Variants in SDF4 observed in about 807,000 individuals in gnomAD.
The protein encoded by SDF4 is stromal cell derived factor 4.
A neutral mutation model predicts 34.2 loss-of-function variants in SDF4; 22 were observed. That is an observed-to-expected ratio of 0.64 (90% CI 0.46 to 0.92). The LOEUF (loss-of-function observed/expected upper bound fraction) is 0.92. Ranked by LOEUF, SDF4 falls within the 40% of genes least tolerant of loss-of-function variation. The pLI, the probability that SDF4 is intolerant of heterozygous loss-of-function variation, is 0.00. For synonymous variants in SDF4, 236 were observed against 203.1 expected, an observed-to-expected ratio of 1.16 and a Z score of -1.38; for missense variants, 447 against 499.9, an observed-to-expected ratio of 0.89 and a Z score of 1.01.
At chr1:1,229,388 C>T (rs963069108) in intron 1 of SDF4, among the ~76,000 whole-genome samples, 8 of 152,174 alleles carry the variant, frequency 5.3e-5, no homozygotes, top group African/African-American at 1.9e-4. Context: ...TTTTATTTTA[C>T]TCTTTGTAGA....
chr1:1,229,637 G>A (rs1638431447), intron 1 of SDF4, among the ~76,000 whole-genome samples: 1 of 152,188 alleles, frequency 6.6e-6, no homozygotes, highest in African/African-American at 2.4e-5. Flanking sequence ...GCTTTCCTGT[G>A]GGGCCCGGCT....
Position 1,217,560 on chromosome 1 carries a change from C to G in SDF4, c.1020G>C (p.Thr340=). 1 of 1,613,224 alleles carries G rather than the reference C, an allele frequency of 6.2e-7. No individual in the cohort carries two copies. The highest frequency in any genetic ancestry group is 1.1e-5 in the South Asian group (1 of 91,060). Residue 340 remains threonine (T), a synonymous_variant, in exon 7 of 7, where the codon ACG becomes ACC. Transcript: ENST00000360001. The surrounding 1 kb of genome is among the most constrained non-coding windows in gnomAD (Gnocchi z 8.5). ...GCGCGTAGTCCACCAGCTTGCTGCC[C>G]GTGAAGAACTCGCTGTACTTGAGCA... ...EEVLKYSEFF[T]GSKLVDYARS... is the part of the protein sequence containing the mutation.
intron 4 of SDF4, 125 bp downstream of exon 4, chr1:1,223,119 G>A (rs569436578): frequency 3.1e-5 from 22 of 702,978 alleles, no homozygotes; most frequent in African/African-American, 5.2e-5. Context: ...ACGCACACAC[G>A]TACTCACGAG....
In SDF4 at chr1:1,228,746, A is replaced by G. The variant is rs1378500534; in HGVS notation, c.27T>C (p.Ile9=). The change falls in exon 2 of 7, where the codon ATT becomes ATC. Residue 9 remains isoleucine (I), a synonymous_variant. Coordinates refer to ENST00000360001, the MANE Select transcript of SDF4 (RefSeq NM_016176.6). MASRWGPL[I]GLAPCCLWLL... Reference sequence around the variant, plus strand: ...GCCAGAGGCAGCACGGAGCCAGGCCAATGAGGGGACCCCACCTGGACGCCA... The same window carrying G: ...GCCAGAGGCAGCACGGAGCCAGGCCGATGAGGGGACCCCACCTGGACGCCA... The G allele has an allele frequency of 5.6e-6, 9 of 1,611,772 alleles. No individual in the cohort carries two copies. The highest frequency in any genetic ancestry group is 7.6e-6 in the Non-Finnish European group (9 of 1,179,830).
chr1:1,217,497 GGCGCGGCC>G lies in SDF4; in HGVS notation c.*7_*14del. ...CGGTGGTGCGTGGGGGGCGGCGCGG[GGCGCGGCC>G]GGGCGCTCAAAACTCCTCGTGCACG... On this transcript the variant is annotated 3_prime_UTR_variant, in exon 7 of 7. Coordinates refer to ENST00000360001, the MANE Select transcript of SDF4 (RefSeq NM_016176.6). This position sits in a 1 kb window ranked among gnomAD's most constrained non-coding sequence, Gnocchi z 8.5. 6 of 1,543,264 alleles carry G rather than the reference GGCGCGGCC, an allele frequency of 3.9e-6. No individual in the cohort carries two copies. The highest frequency in any genetic ancestry group is 5.2e-6 in the Non-Finnish European group (6 of 1,144,416).
At chr1:1,229,804 G>T (rs147827899) in intron 1 of SDF4, among the ~76,000 whole-genome samples, 1 of 151,716 alleles carries the variant, frequency 6.6e-6, no homozygotes. Context: ...CTCTCCCCCC[G>T]ACTGACCAGG....
At chr1:1,225,476 T>C (rs3753342) in intron 2 of SDF4, among the ~76,000 whole-genome samples, 20,325 of 152,174 alleles carry the variant, frequency 0.13, 1,691 homozygotes, top group African/African-American at 0.23. Flanking sequence ...GAGATCCTCA[T>C]GGAAGAAGGC....
At chr1:1,226,242 T>A (rs1474866087) in intron 2 of SDF4, among the ~76,000 whole-genome samples, 2 of 151,988 alleles carry the variant, frequency 1.3e-5, no homozygotes, top group Non-Finnish European at 2.9e-5. Flanking sequence ...GCCTGGAGCA[T>A]CTCGTGGTGC....
At chr1:1,223,415 A>T (rs1198333922) in intron 3 of SDF4, 58 bp from the exon 4 acceptor site, 2 of 1,232,706 alleles carry the variant, frequency 1.6e-6, no homozygotes, top group Non-Finnish European at 2.3e-6. Context: ...CTTCCTTCTC[A>T]ACTGAGATGG....
rs187257738 is a variant in SDF4 at position 1,229,833 on chromosome 1, C to A, written c.-174-887G>T. ...GACCAGGCTTTGCGAAGACAGCCAA[C>A]CCTAAGTGCAGAGGGCGTCAGGGCC... On this transcript the variant is annotated intron_variant, in intron 1 of 6. Transcript: ENST00000360001. 3.5e-3 allele frequency among the ~76,000 whole-genome samples: 539 copies of A among 152,316 alleles called. 5 individuals are homozygous for A. Among genetic ancestry groups the A allele is most frequent in the African/African-American group, 0.012 (510 of 41,550 alleles).
chr1:1,217,536 C>T lies in SDF4; in HGVS notation c.1044G>A (p.Ala348=), dbSNP rs373187590. 16 of 1,611,704 alleles carry T rather than the reference C, an allele frequency of 9.9e-6. No individual in the cohort carries two copies. Among genetic ancestry groups the T allele is most frequent in the Middle Eastern group, 1.7e-4 (1 of 6,012 alleles). The change falls in exon 7 of 7, where the codon GCG becomes GCA. Residue 348 remains alanine (A), a synonymous_variant. Transcript: ENST00000360001. This position sits in a 1 kb window ranked among gnomAD's most constrained non-coding sequence, Gnocchi z 8.5. ...CTCAAAACTCCTCGTGCACGCTGCG[C>T]GCGTAGTCCACCAGCTTGCTGCCCG... is the stretch of plus-strand genomic sequence containing the variant. ...FFTGSKLVDY[A]RSVHEEF is the part of the protein sequence containing the mutation.
At chr1:1,229,114 T>C (rs981452746) in intron 1 of SDF4, among the ~76,000 whole-genome samples, 168 bp from the exon 2 acceptor site, 1 of 151,766 alleles carries the variant, frequency 6.6e-6, no homozygotes, top group Non-Finnish European at 1.5e-5. Context: ...CGTGGCATTG[T>C]TTTCTCCGGG....
intron 4 of SDF4, chr1:1,219,481 G>A (rs1649779106): frequency 2.0e-6 from 2 of 998,366 alleles, no homozygotes; most frequent in Admixed American, 1.1e-4. Context: ...GGCGCCGCGG[G>A]GCGAAGGACT....
At chr1:1,231,631 G>A (rs982603888) in intron 1 of SDF4, among the ~76,000 whole-genome samples, 1 of 152,264 alleles carries the variant, frequency 6.6e-6, no homozygotes, top group African/African-American at 2.4e-5. Context: ...CCGTTTCCCG[G>A]TGGCATTCGT....
At chr1:1,220,503 C>T (rs1312985365) in intron 4 of SDF4, 2 of 1,200,778 alleles carry the variant, frequency 1.7e-6, no homozygotes, top group Non-Finnish European at 2.1e-6. Flanking sequence ...GGCAGCTGCT[C>T]TTCCTGAGCC....
intron 4 of SDF4, 147 bp downstream of exon 4, chr1:1,223,097 C>T (rs1650067059): frequency 1.5e-6 from 1 of 651,744 alleles, no homozygotes; most frequent in African/African-American, 1.8e-5. Flanking sequence ...ACAGCACACT[C>T]GTACACACGG....
intron 2 of SDF4, among the ~76,000 whole-genome samples, chr1:1,226,798 A>G (rs1433327455): frequency 6.6e-6 from 1 of 152,138 alleles, no homozygotes; most frequent in African/African-American, 2.4e-5. Context: ...AGACGCACCG[A>G]GCAGAAGCCT....
intron 4 of SDF4, among the ~76,000 whole-genome samples, chr1:1,222,454 C>T (rs79561057): frequency 0.11 from 17,423 of 151,922 alleles, 1,143 homozygotes; most frequent in East Asian, 0.17. Flanking sequence ...TGCTGGCCAA[C>T]GGCCACACCC....
At chr1:1,221,402 T>G (rs1239639940) in intron 4 of SDF4, 1 of 152,752 alleles carries the variant, frequency 6.5e-6, no homozygotes, top group African/African-American at 2.4e-5. Flanking sequence ...CTACAAAATA[T>G]ATGTTTTTGA....
Sources: allele counts gnomAD v4.1 joint callset (sites outside exome capture counted in the v4.1 genomes callset), GRCh38; gene constraint gnomAD v4.1.1; non-coding constraint Gnocchi (gnomAD v3.1); transcripts MANE v1.5; gene names NCBI Gene and HGNC (gene_info 2026-07-23, HGNC 2026-07-21).